Variants in MGAT4A observed in about 807,000 individuals in gnomAD.
The protein encoded by MGAT4A is N-acetylglucosaminyltransferase IVa.
In MGAT4A, 33 loss-of-function variants were observed where a neutral mutation model predicts 74.1. That is an observed-to-expected ratio of 0.45 (90% confidence interval 0.34 to 0.60). The LOEUF (loss-of-function observed/expected upper bound fraction) is 0.60, where lower values mean the gene tolerates loss of function less well. Among genes scored for constraint, MGAT4A ranks in the 20% least tolerant of loss-of-function variants. MGAT4A has a pLI of 0.02. For synonymous variants in MGAT4A, 198 were observed against 210.4 expected (o/e 0.94, Z 0.51); for missense variants, 479 against 628.3 (o/e 0.76, Z 2.54).
chr2:98,720,573 C>T (rs1218123045), intron 2 of MGAT4A, among the ~76,000 whole-genome samples: 1 of 152,178 alleles, frequency 6.6e-6, no homozygotes, highest in African/African-American at 2.4e-5. Context: ...TCCATAATCA[C>T]ATGTGCCAGT....
intron 12 of MGAT4A, among the ~76,000 whole-genome samples, chr2:98,638,453 C>T (rs1172091334): frequency 2.6e-5 from 4 of 152,200 alleles, no homozygotes; most frequent in African/African-American, 4.8e-5. Flanking sequence ...TACTAATCTA[C>T]GTCAATATTT....
In MGAT4A at chr2:98,623,719, A is replaced by G. The variant is rs1421507336; in HGVS notation, c.*1847T>C. On this transcript the variant is annotated 3_prime_UTR_variant, in exon 16 of 16. Transcript: ENST00000393487. ...AAAAGTAACTAAAAATTATAACAAC[A>G]TGGAGTGATGGAAATAATTGTACTG... is the stretch of plus-strand genomic sequence containing the variant. 1 of 985,260 alleles carries G rather than the reference A, an allele frequency of 1.0e-6. No individual in the cohort carries two copies. 61.0% of individuals were successfully genotyped at this position (985,260 alleles called of 1,614,324 possible).
At chr2:98,706,683 T>C (rs1402243374) in intron 2 of MGAT4A, among the ~76,000 whole-genome samples, 4 of 151,512 alleles carry the variant, frequency 2.6e-5, no homozygotes, top group African/African-American at 9.7e-5. Flanking sequence ...CATACTGCTA[T>C]CTGTGTAAAT....
chr2:98,641,512 A>G, intron 10 of MGAT4A, among the ~76,000 whole-genome samples: 1 of 149,464 alleles, frequency 6.7e-6, no homozygotes, highest in South Asian at 2.1e-4. Context: ...AAAAAAAAAA[A>G]AAAAAAAAAA....
intron 2 of MGAT4A, among the ~76,000 whole-genome samples, chr2:98,687,485 A>T (rs557658009): frequency 6.6e-6 from 1 of 152,184 alleles, no homozygotes; most frequent in East Asian, 1.9e-4. Context: ...TCCTTGTATG[A>T]CCTATTTCAT....
At position 98,624,527 on chromosome 2, in the gene MGAT4A, T is replaced by C. The variant is rs1701115145; in HGVS notation, c.*1039A>G. ...AATATATTTCACCAAAAAACAATAT[T>C]ACAATTTTCTTTAAAATTATACCAA... On this transcript the variant is annotated 3_prime_UTR_variant, in exon 16 of 16. Transcript: ENST00000393487. The C allele has an allele frequency of 4.1e-6, 4 of 973,986 alleles. No homozygotes were observed. In the Admixed American group the frequency reaches 2.5e-4, roughly 60 times the overall value. 60.3% of individuals were successfully genotyped at this position (973,986 alleles called of 1,614,324 possible).
intron 4 of MGAT4A, among the ~76,000 whole-genome samples, chr2:98,671,995 AGG>A (rs1701917505): frequency 6.6e-6 from 1 of 151,192 alleles, no homozygotes. Context: ...AGATTCCAGA[AGG>A]AACACACCCC....
intron 5 of MGAT4A, 70 bp from the exon 6 acceptor site, chr2:98,658,334 G>T: frequency 1.3e-6 from 1 of 777,752 alleles, no homozygotes; most frequent in South Asian, 1.8e-5. Flanking sequence ...TACTGAACTC[G>T]AAATTAAATG....
At chr2:98,657,798 A>G (rs1425679361) in intron 6 of MGAT4A, among the ~76,000 whole-genome samples, 3 of 152,176 alleles carry the variant, frequency 2.0e-5, no homozygotes, top group African/African-American at 7.2e-5. Context: ...CTGCTACTCA[A>G]TCTTTGCAGA....
chr2:98,728,641 C>T (rs531588233), intron 1 of MGAT4A, among the ~76,000 whole-genome samples: 1 of 151,264 alleles, frequency 6.6e-6, no homozygotes, highest in South Asian at 2.1e-4. Flanking sequence ...CCAGCTTACT[C>T]GGGAGGCTGA....
At position 98,634,409 on chromosome 2, in the gene MGAT4A, T is replaced by A. The variant is rs148160597; in HGVS notation, c.1468+813A>T. Among the ~76,000 whole-genome samples, 1,187 of 151,990 alleles carry A rather than the reference T, an allele frequency of 7.8e-3. 20 individuals are homozygous for A. Among genetic ancestry groups the A allele is most frequent in the African/African-American group, 0.027 (1,118 of 41,450 alleles). ...CTGCCCGGAGAGTGTGGGGCCTTCA[T>A]CAGAGGAACAACAGTCTCAGGGCTG... On this transcript the variant is annotated intron_variant, in intron 14 of 15. Coordinates refer to ENST00000393487, the MANE Select transcript of MGAT4A (RefSeq NM_012214.3).
At chr2:98,720,846 C>G (rs7577636) in intron 2 of MGAT4A, among the ~76,000 whole-genome samples, 1 of 151,856 alleles carries the variant, frequency 6.6e-6, no homozygotes, top group Non-Finnish European at 1.5e-5. Flanking sequence ...ATGGGAATAC[C>G]AGAAGGAAAG....
chr2:98,730,852 G>A (rs1441695243), intron 1 of MGAT4A, among the ~76,000 whole-genome samples, 196 bp downstream of exon 1: 1 of 143,682 alleles, frequency 7.0e-6, no homozygotes, highest in Non-Finnish European at 1.5e-5. Context: ...GCGCCCAGAG[G>A]CGCCAACAGC....
chr2:98,677,645 G>T (rs1446710912), intron 3 of MGAT4A, among the ~76,000 whole-genome samples: 4 of 151,958 alleles, frequency 2.6e-5, no homozygotes, highest in South Asian at 2.1e-4. Context: ...TAGGGATGAG[G>T]TTTCACCATG....
rs561990822 is a variant in MGAT4A, at chr2:98,717,177, T to C, written c.94+9062A>G. Among the ~76,000 whole-genome samples, 13 of 152,088 alleles carry C rather than the reference T, an allele frequency of 8.5e-5. No individual in the cohort carries two copies. In the East Asian group the frequency reaches 2.5e-3, roughly 30 times the overall value. ...GGCAGATCACCTGAGGTCAGGAGTT[T>C]GAGAACAGCCTGGCCAACATGGTGA... is the stretch of plus-strand genomic sequence containing the variant. On this transcript the variant is annotated intron_variant, in intron 2 of 15. Coordinates refer to ENST00000393487, the MANE Select transcript of MGAT4A (RefSeq NM_012214.3).
At chr2:98,711,490 T>C (rs757324698) in intron 2 of MGAT4A, among the ~76,000 whole-genome samples, 1 of 152,008 alleles carries the variant, frequency 6.6e-6, no homozygotes, top group Non-Finnish European at 1.5e-5. Flanking sequence ...TTAGGAAGGT[T>C]TAGAGATGAA....
In MGAT4A at chr2:98,624,064, G is replaced by A. The variant is rs1268295834; in HGVS notation, c.*1502C>T. ...GTCTAGCTGTGTCGCCCAGGCTGGA[G>A]TGCAGTGGTGCGATCTCAGCTCACT... On this transcript the variant is annotated 3_prime_UTR_variant, in exon 16 of 16. Transcript: ENST00000393487. The A allele has an allele frequency of 2.1e-6, 2 of 965,868 alleles. No individual in the cohort carries two copies. Among genetic ancestry groups the A allele is most frequent in the South Asian group, 4.8e-5 (1 of 20,900 alleles). The allele number at this position is 965,868 out of a possible 1,614,324, so 59.8% of individuals were successfully genotyped here. A position where few individuals can be genotyped will look rare whatever the true frequency, so the allele number is the denominator to read the frequency against.
chr2:98,625,618 T>A, intron 15 of MGAT4A, 26 bp from the exon 16 acceptor site: 1 of 1,588,226 alleles, frequency 6.3e-7, no homozygotes. Flanking sequence ...ATAAAAGGTA[T>A]GATAAAGCTG....
In MGAT4A at chr2:98,667,074, G is replaced by T. The variant is rs536421631; in HGVS notation, c.404-3895C>A. Among the ~76,000 whole-genome samples, 584 of 151,264 alleles carry T rather than the reference G, an allele frequency of 3.9e-3. 3 individuals are homozygous for T. Among genetic ancestry groups the T allele is most frequent in the Non-Finnish European group, 6.0e-3 (408 of 67,926 alleles). On this transcript the variant is annotated intron_variant, in intron 4 of 15. Transcript: ENST00000393487. ...TTACAAGATCTGATGGTTTTAAAAA[G>T]AGGAGTTCCCCTGCACAAGCTTGCT...
Sources: gnomAD v4.1 joint callset for allele counts (sites outside exome capture counted in the v4.1 genomes callset) on GRCh38, gnomAD v4.1.1 for gene constraint, MANE v1.5 for transcripts, NCBI Gene and HGNC (gene_info 2026-07-23, HGNC 2026-07-21) for gene names.